NFU1: variants seen among roughly 807,000 people sequenced by gnomAD.
NFU1 encodes NFU1 iron-sulfur cluster scaffold.
NFU1 carries 30 observed loss-of-function variants against 32.2 expected under a neutral mutation model. That is an observed-to-expected ratio of 0.93 (90% confidence interval 0.70 to 1.26). NFU1 has a LOEUF of 1.26. Among genes scored for constraint, NFU1 ranks in the 50% most tolerant of loss-of-function variants. The pLI, the probability that NFU1 is intolerant of heterozygous loss-of-function variation, is 0.00. For synonymous variants in NFU1, 112 were observed against 104.6 expected (o/e 1.07, Z -0.43); for missense variants, 306 against 306.6 (o/e 1.00, Z 0.02).
chr2:69,415,232 GC>G lies in NFU1; in HGVS notation c.436del (p.Ala146HisfsTer27), dbSNP rs1262901556. 1 of 1,612,980 alleles carries G rather than the reference GC, an allele frequency of 6.2e-7. No homozygotes were observed. Among genetic ancestry groups the G allele is most frequent in the African/African-American group, 1.3e-5 (1 of 75,020 alleles). ...CTCAGTAACCAGGGGTAAGCCAGAT[GC>G]AAAGAAGTCCATGATTGTTGCATAA... is the stretch of plus-strand genomic sequence containing the variant. Reference protein sequence around the residue: ...DIYATIMDFFASGLPLVTEET... With the variant: ...DIYATIMDFFXSGLPLVTEET... On this transcript the variant is annotated frameshift_variant, in exon 5 of 8. Transcript: ENST00000410022. LOFTEE classifies it high-confidence loss of function.
chr2:69,400,362 A>T lies in NFU1; in HGVS notation c.720+2T>A. The T allele has an allele frequency of 6.2e-7, 1 of 1,612,988 alleles. No individual in the cohort carries two copies. The highest frequency in any genetic ancestry group is 8.5e-7 in the Non-Finnish European group (1 of 1,178,952). On this transcript the variant is annotated splice_donor_variant, in intron 7 of 7. Transcript: ENST00000410022. LOFTEE classifies it high-confidence loss of function. ...CTAGACTGTCATATAATATTGGCAT[A>T]CCTGTTCTACGCCTTCTACCTCCGG...
intron 4 of NFU1, among the ~76,000 whole-genome samples, chr2:69,419,012 T>C (rs1673149767): frequency 6.6e-6 from 1 of 152,174 alleles, no homozygotes; most frequent in Non-Finnish European, 1.5e-5. Context: ...GCCTTGACTG[T>C]TGAAAAACAT....
chr2:69,437,463 G>T (rs775615702), upstream of NFU1: 1 of 1,599,752 alleles, frequency 6.3e-7, no homozygotes, highest in Admixed American at 1.7e-5. Flanking sequence ...ACAGAACCAC[G>T]AAAGATCTGC....
At chr2:69,400,340 G>C (rs1302313427) in intron 7 of NFU1, 24 bp downstream of exon 7, 2 of 1,599,562 alleles carry the variant, frequency 1.3e-6, no homozygotes, top group South Asian at 1.1e-5. Flanking sequence ...AAAAAATCTA[G>C]ACTGTCATAT....
At chr2:69,412,799 A>T (rs1002598033) in intron 5 of NFU1, among the ~76,000 whole-genome samples, 35 of 145,848 alleles carry the variant, frequency 2.4e-4, no homozygotes, top group Non-Finnish European at 3.3e-4. Context: ...CTGAGGATGT[A>T]GTGAGCCATG....
At chr2:69,406,637 C>T (rs1672703131) in intron 5 of NFU1, among the ~76,000 whole-genome samples, 1 of 152,136 alleles carries the variant, frequency 6.6e-6, no homozygotes, top group Admixed American at 6.6e-5. Context: ...GTGGGGTGAT[C>T]ACAGCTCACT....
At chr2:69,404,785 A>G (rs1018303325) in intron 6 of NFU1, among the ~76,000 whole-genome samples, 3 of 150,818 alleles carry the variant, frequency 2.0e-5, no homozygotes, top group Non-Finnish European at 4.4e-5. Context: ...ACGCCTGGCT[A>G]ATTTTTGTAT....
upstream of NFU1, among the ~76,000 whole-genome samples, chr2:69,438,058 C>T (rs145172312): frequency 6.6e-6 from 1 of 152,288 alleles, no homozygotes; most frequent in African/African-American, 2.4e-5. Context: ...ATTACCTATT[C>T]TTCCAGAACC....
At chr2:69,430,442 T>C (rs1673602359) in intron 2 of NFU1, among the ~76,000 whole-genome samples, 1 of 152,052 alleles carries the variant, frequency 6.6e-6, no homozygotes, top group Admixed American at 6.6e-5. Flanking sequence ...TTGAACTTCT[T>C]GGGCTCAAGG....
intron 5 of NFU1, among the ~76,000 whole-genome samples, chr2:69,406,941 C>T (rs10195051): frequency 0.66 from 99,726 of 151,916 alleles, 34,059 homozygotes; most frequent in African/African-American, 0.86. Flanking sequence ...GAGATCTGAT[C>T]GTTTTATAAG....
intron 6 of NFU1, among the ~76,000 whole-genome samples, chr2:69,401,425 C>T (rs994791054): frequency 6.6e-6 from 1 of 152,192 alleles, no homozygotes; most frequent in Non-Finnish European, 1.5e-5. Context: ...ACCTATGTTG[C>T]TGAGTATAGT....
intron 2 of NFU1, among the ~76,000 whole-genome samples, chr2:69,430,352 A>G (rs139864339): frequency 0.012 from 1,792 of 152,054 alleles, 32 homozygotes; most frequent in African/African-American, 0.041. Flanking sequence ...AGCTGGGACT[A>G]CAGGCATGCA....
At chr2:69,405,864 G>A (rs888534206) in intron 6 of NFU1, among the ~76,000 whole-genome samples, 158 bp downstream of exon 6, 1 of 152,148 alleles carries the variant, frequency 6.6e-6, no homozygotes, top group African/African-American at 2.4e-5. Context: ...AGAAGATACA[G>A]GCTTTAAATT....
intron 5 of NFU1, among the ~76,000 whole-genome samples, chr2:69,406,768 C>T (rs746543168): frequency 2.0e-5 from 3 of 152,004 alleles, no homozygotes; most frequent in Non-Finnish European, 4.4e-5. Context: ...GATGGGGCCT[C>T]GCCATGTTGC....
upstream of NFU1, among the ~76,000 whole-genome samples, chr2:69,438,942 G>A (rs137933609): frequency 2.3e-4 from 31 of 133,110 alleles, no homozygotes; most frequent in Admixed American, 6.2e-4. Context: ...CCGCAAGGCA[G>A]TCCAAGGCTC....
At chr2:69,417,122 A>C (rs1391288716) in intron 4 of NFU1, among the ~76,000 whole-genome samples, 1 of 152,128 alleles carries the variant, frequency 6.6e-6, no homozygotes, top group Non-Finnish European at 1.5e-5. Flanking sequence ...AAAAGAAAAA[A>C]TATTCTAAAG....
intron 2 of NFU1, among the ~76,000 whole-genome samples, chr2:69,428,179 C>T (rs1284228645): frequency 6.6e-6 from 1 of 152,160 alleles, no homozygotes; most frequent in Admixed American, 6.5e-5. Flanking sequence ...ATCCCCAGCA[C>T]TTTGGGAGGC....
At chr2:69,400,260 ACTT>A in intron 7 of NFU1, 101 bp downstream of exon 7, 1 of 1,063,130 alleles carries the variant, frequency 9.4e-7, no homozygotes, top group Non-Finnish European at 1.4e-6. Flanking sequence ...TAGGTCATGA[ACTT>A]CTTTTCAAAT....
At chr2:69,396,056 C>T (rs896569986), downstream of NFU1, 11 of 516,984 alleles carry the variant, frequency 2.1e-5, no homozygotes, top group Middle Eastern at 5.1e-4. Flanking sequence ...ATAAAATCCA[C>T]GTGTACAGAA....
Sources: gnomAD v4.1 joint callset for allele counts (sites outside exome capture counted in the v4.1 genomes callset) on GRCh38, gnomAD v4.1.1 for gene constraint, MANE v1.5 for transcripts, NCBI Gene and HGNC (gene_info 2026-07-23, HGNC 2026-07-21) for gene names.